PATJ: variants seen among roughly 807,000 people sequenced by gnomAD.
The protein encoded by PATJ is inaD-like protein.
A neutral mutation model predicts 224.9 loss-of-function variants in PATJ; 190 were observed. The ratio of observed to expected loss-of-function variants is 0.84; its 90% CI spans 0.75 to 0.95. PATJ has a LOEUF of 0.95. Among genes scored for constraint, PATJ ranks in the 40% least tolerant of loss-of-function variants. The pLI, the probability that PATJ is intolerant of heterozygous loss-of-function variation, is 0.00. For synonymous variants in PATJ, 769 were observed against 820.3 expected (o/e 0.94, Z 1.07); for missense variants, 2,121 against 2,270.3 (o/e 0.93, Z 1.34).
chr1:62,132,576 A>C (rs1478333603), intron 41 of PATJ, among the ~76,000 whole-genome samples: 11 of 152,156 alleles, frequency 7.2e-5, no homozygotes, highest in East Asian at 3.9e-4. Flanking sequence ...GGACTCTTTC[A>C]TTAAATACTA....
intron 41 of PATJ, among the ~76,000 whole-genome samples, chr1:62,132,771 G>A (rs1666392485): frequency 6.6e-6 from 1 of 151,934 alleles, no homozygotes; most frequent in South Asian, 2.1e-4. Flanking sequence ...GTGCATAGTG[G>A]CATGCACTTG....
intron 14 of PATJ, among the ~76,000 whole-genome samples, chr1:61,814,184 C>T (rs1305081519): frequency 8.2e-6 from 1 of 121,214 alleles, no homozygotes; most frequent in African/African-American, 3.2e-5. Flanking sequence ...CGCTCTGTTG[C>T]CTAGGTTGGA....
rs1244921438 is a variant in PATJ, at chr1:62,017,871, C to A, written c.3883C>A (p.Leu1295Met). The change falls in exon 29 of 44, where the codon CTG becomes ATG. Residue 1295 changes from leucine (L) to methionine (M), a missense_variant. By Grantham distance (15) the Leu-to-Met change is conservative. Transcript: ENST00000642238. ...TCCCAAACAGATAAACAATCAGATT[C>A]TGTATGGAAGAAGTCACCAAAATGC... ...DELLEINNQI[L>M]YGRSHQNASA... is the part of the protein sequence containing the mutation. 9 of 1,605,108 alleles carry A rather than the reference C, an allele frequency of 5.6e-6. No individual in the cohort carries two copies. In the South Asian group the frequency reaches 6.6e-5, roughly 12 times the overall value.
At chr1:62,140,400 C>T (rs1667381677) in intron 41 of PATJ, among the ~76,000 whole-genome samples, 1 of 152,152 alleles carries the variant, frequency 6.6e-6, no homozygotes. Context: ...CGCCAGTAAT[C>T]CCAGCACTTT....
chr1:61,912,066 C>T (rs981105242), intron 25 of PATJ, among the ~76,000 whole-genome samples: 7 of 151,504 alleles, frequency 4.6e-5, no homozygotes, highest in East Asian at 1.9e-4. Context: ...TTTATCATCA[C>T]GTGTTGCTTT....
intron 10 of PATJ, among the ~76,000 whole-genome samples, 165 bp from the exon 11 acceptor site, chr1:61,797,122 C>A (rs1206441435): frequency 6.6e-6 from 1 of 152,172 alleles, no homozygotes; most frequent in African/African-American, 2.4e-5. Flanking sequence ...GATCCACCCA[C>A]CTTGACCTAC....
At chr1:61,768,502 T>C (rs1211067741) in intron 4 of PATJ, among the ~76,000 whole-genome samples, 1 of 119,192 alleles carries the variant, frequency 8.4e-6, no homozygotes, top group Non-Finnish European at 1.8e-5. Flanking sequence ...TAAATAGATA[T>C]CAATTAATCA....
Position 61,927,769 on chromosome 1 carries a change from C to T in PATJ, c.3610C>T (p.Pro1204Ser). The T allele has an allele frequency of 1.2e-6, 2 of 1,613,518 alleles. No homozygotes were observed. Among genetic ancestry groups the T allele is most frequent in the East Asian group, 4.5e-5 (2 of 44,844 alleles). Residue 1204 changes from proline (P) to serine (S), a missense_variant, in exon 27 of 44, where the codon CCT becomes TCT. Pro to Ser is a moderately conservative substitution (Grantham distance 74). Coordinates refer to ENST00000642238, the MANE Select transcript of PATJ (RefSeq NM_001350145.3). ...TCCACCGCCAATGAAACTTCCTCCTCCTTATAAAGCTCTGACTGATGACAG... is the reference window on the plus strand; with the variant it reads ...TCCACCGCCAATGAAACTTCCTCCTTCTTATAAAGCTCTGACTGATGACAG... ...TAPPPMKLPPPYKALTDDSDE... is the reference protein window; with the variant it reads ...TAPPPMKLPPSYKALTDDSDE...
chr1:61,939,281 A>G (rs78316714), intron 27 of PATJ, among the ~76,000 whole-genome samples: 6,493 of 150,192 alleles, frequency 0.043, 524 homozygotes, highest in African/African-American at 0.15. Flanking sequence ...GACAATGATC[A>G]TGTGTTTTCT....
At chr1:61,827,622 C>T in intron 16 of PATJ, 39 bp downstream of exon 16, 1 of 1,580,630 alleles carries the variant, frequency 6.3e-7, no homozygotes, top group Non-Finnish European at 8.6e-7. Flanking sequence ...TAGGCATGCC[C>T]ATTCATCAAA....
At chr1:61,919,803 T>C (rs1177220768) in intron 26 of PATJ, among the ~76,000 whole-genome samples, 1 of 152,208 alleles carries the variant, frequency 6.6e-6, no homozygotes, top group Non-Finnish European at 1.5e-5. Flanking sequence ...CTTTTTGTTC[T>C]TATTTTCTAA....
At chr1:61,936,102 G>A (rs924628031) in intron 27 of PATJ, among the ~76,000 whole-genome samples, 1 of 151,784 alleles carries the variant, frequency 6.6e-6, no homozygotes, top group Non-Finnish European at 1.5e-5. Flanking sequence ...ATTCAGAATT[G>A]TTCAACTGTC....
chr1:62,068,905 T>C (rs775266535), intron 31 of PATJ, among the ~76,000 whole-genome samples: 7 of 152,234 alleles, frequency 4.6e-5, no homozygotes, highest in Non-Finnish European at 1.0e-4. Flanking sequence ...TTCTTCTTTT[T>C]TAGGGGTCCC....
chr1:62,090,372 T>C (rs1660583043), intron 33 of PATJ, among the ~76,000 whole-genome samples: 1 of 152,168 alleles, frequency 6.6e-6, no homozygotes, highest in Non-Finnish European at 1.5e-5. Context: ...TTGAGTGAGA[T>C]AACCTTGTCC....
intron 14 of PATJ, among the ~76,000 whole-genome samples, chr1:61,809,049 T>C (rs1309677635): frequency 6.6e-6 from 1 of 152,228 alleles, no homozygotes; most frequent in Non-Finnish European, 1.5e-5. Context: ...GAAAGAAAAG[T>C]GGTTTATCTT....
intron 27 of PATJ, among the ~76,000 whole-genome samples, chr1:61,948,916 G>A (rs1258352816): frequency 3.3e-5 from 5 of 152,068 alleles, no homozygotes; most frequent in Admixed American, 1.3e-4. Flanking sequence ...CATTTGTAGG[G>A]ACATGGATGA....
chr1:62,112,227 C>T (rs1006057053), intron 34 of PATJ, among the ~76,000 whole-genome samples: 3 of 151,700 alleles, frequency 2.0e-5, no homozygotes, highest in Admixed American at 2.0e-4. Flanking sequence ...CCTTGGGGGC[C>T]GGGTGCGGTG....
At chr1:62,066,809 G>T (rs1019864607) in intron 31 of PATJ, among the ~76,000 whole-genome samples, 1 of 152,144 alleles carries the variant, frequency 6.6e-6, no homozygotes. Flanking sequence ...TGGTGGGCAG[G>T]GGGCTAGGGA....
chr1:61,871,290 C>T (rs1392904072), intron 20 of PATJ, among the ~76,000 whole-genome samples: 1 of 147,442 alleles, frequency 6.8e-6, no homozygotes, highest in East Asian at 2.0e-4. Flanking sequence ...TGGCTCACCG[C>T]AACCTCTGCC....
Sources: gnomAD v4.1 joint callset for allele counts (sites outside exome capture counted in the v4.1 genomes callset) on GRCh38, gnomAD v4.1.1 for gene constraint, MANE v1.5 for transcripts, NCBI Gene and HGNC (gene_info 2026-07-23, HGNC 2026-07-21) for gene names.